TENT5D: variants seen among roughly 807,000 people sequenced by gnomAD.
TENT5D encodes the protein terminal nucleotidyltransferase 5D.
For missense variants in TENT5D, 191 were observed against 287.0 expected, an observed-to-expected ratio of 0.67 and a Z score of 2.42; for synonymous variants, 103 against 100.6, an observed-to-expected ratio of 1.02 and a Z score of -0.15.
chrX:80,432,372 G>A (rs562192879), intron 1 of TENT5D, among the ~76,000 whole-genome samples: 3 of 110,850 alleles, frequency 2.7e-5, no homozygotes, highest in Admixed American at 1.9e-4. Context: ...AAACTGGATT[G>A]GAACAAAGTC....
At chrX:80,439,501 A>G (rs924157517) in intron 2 of TENT5D, among the ~76,000 whole-genome samples, 1 of 111,201 alleles carries the variant, frequency 9.0e-6, no homozygotes, top group Non-Finnish European at 1.9e-5. Flanking sequence ...GCGGTTAAGT[A>G]TGGAGCCATA....
intron 3 of TENT5D, among the ~76,000 whole-genome samples, chrX:80,349,257 G>A (rs919224517): frequency 1.8e-5 from 2 of 111,487 alleles, no homozygotes; most frequent in Non-Finnish European, 3.8e-5. Context: ...TTGTACCTCT[G>A]GTAGAATTCG....
intron 3 of TENT5D, among the ~76,000 whole-genome samples, chrX:80,356,759 A>AT (rs905885653): frequency 4.3e-4 from 48 of 111,068 alleles, no homozygotes; most frequent in Non-Finnish European, 5.9e-4. Flanking sequence ...GAAGTTTTTT[A>AT]TTTTTTTATT....
intron 3 of TENT5D, among the ~76,000 whole-genome samples, chrX:80,385,985 C>T (rs948264222): frequency 3.6e-5 from 4 of 112,083 alleles, no homozygotes; most frequent in African/African-American, 1.3e-4. Flanking sequence ...GGACTGTAAA[C>T]TAGTTCAACC....
At chrX:80,362,890 A>T (rs1478702939) in intron 3 of TENT5D, among the ~76,000 whole-genome samples, 1 of 112,183 alleles carries the variant, frequency 8.9e-6, no homozygotes, top group Non-Finnish European at 1.9e-5. Context: ...GTCAGAAAAA[A>T]AAAGTGTTTC....
At chrX:80,436,154 C>T (rs1434711236) in intron 1 of TENT5D, among the ~76,000 whole-genome samples, 1 of 110,476 alleles carries the variant, frequency 9.1e-6, no homozygotes. Context: ...GATTTGGTGG[C>T]TATTCTAAGA....
At chrX:80,436,997 T>G (rs1242830310) in intron 1 of TENT5D, among the ~76,000 whole-genome samples, 1 of 112,035 alleles carries the variant, frequency 8.9e-6, no homozygotes, top group East Asian at 2.8e-4. Flanking sequence ...AGCAAAAAAA[T>G]TATCTGCAGT....
Position 80,335,814 on chromosome X carries a change from TTA to T in TENT5D, c.-207+100_-207+101del, listed in dbSNP as rs1929837092. 3.6e-5 allele frequency: 4 copies of T among 111,621 alleles called. No homozygotes were observed. The Admixed American group carries it at 3.8e-4, about 11-fold the overall frequency. 9.2% of individuals were successfully genotyped at this position (111,621 alleles called of 1,213,427 possible). ...GGTAAATTTGAGGTGTGAAGTTCAC[TTA>T]TGGCGTTAAAAAGCTTCGTGATCCT... On this transcript the variant is annotated intron_variant, in intron 2 of 4. Transcript: ENST00000538312.
chrX:80,360,646 A>G (rs906514736), intron 3 of TENT5D, among the ~76,000 whole-genome samples: 1 of 111,899 alleles, frequency 8.9e-6, no homozygotes, highest in African/African-American at 3.2e-5. Flanking sequence ...TACACATGAT[A>G]TGAGAGAATA....
chrX:80,357,736 G>T (rs1417150675), intron 3 of TENT5D, among the ~76,000 whole-genome samples: 1 of 111,021 alleles, frequency 9.0e-6, no homozygotes, highest in East Asian at 2.8e-4. Context: ...TGACCATACT[G>T]CCCAAGGTAA....
intron 3 of TENT5D, among the ~76,000 whole-genome samples, chrX:80,352,939 A>G (rs192744718): frequency 0.01 from 1,116 of 109,979 alleles, 23 homozygotes; most frequent in African/African-American, 0.035. Context: ...GAGGCCCCCA[A>G]CTCATTGCAC....
At chrX:80,370,286 A>C (rs1930598562) in intron 3 of TENT5D, among the ~76,000 whole-genome samples, 1 of 110,742 alleles carries the variant, frequency 9.0e-6, no homozygotes, top group Admixed American at 9.8e-5. Flanking sequence ...AAACAGCCAA[A>C]TTGTTTGCAT....
intron 3 of TENT5D, among the ~76,000 whole-genome samples, chrX:80,384,084 A>G (rs868189725): frequency 9.8e-4 from 106 of 108,417 alleles, no homozygotes; most frequent in South Asian, 2.5e-3. Flanking sequence ...TGAGGCAAGC[A>G]TCATCCTGAT....
At chrX:80,390,650 G>A (rs1428780010) in intron 3 of TENT5D, among the ~76,000 whole-genome samples, 3 of 111,293 alleles carry the variant, frequency 2.7e-5, no homozygotes, top group African/African-American at 9.8e-5. Flanking sequence ...TTGGAATCAG[G>A]GTACTATAAC....
intron 3 of TENT5D, among the ~76,000 whole-genome samples, chrX:80,370,589 A>G (rs1456809250): frequency 8.9e-6 from 1 of 112,255 alleles, no homozygotes; most frequent in Non-Finnish European, 1.9e-5. Flanking sequence ...ATATTTTAAC[A>G]TGACTTTAAA....
intron 3 of TENT5D, among the ~76,000 whole-genome samples, chrX:80,352,400 G>A (rs1467631717): frequency 2.7e-5 from 3 of 111,346 alleles, no homozygotes; most frequent in African/African-American, 6.5e-5. Flanking sequence ...GGCCATAGCC[G>A]CTTTGCCACG....
At chrX:80,418,699 T>C (rs1246722286), upstream of TENT5D, among the ~76,000 whole-genome samples, 2 of 112,117 alleles carry the variant, frequency 1.8e-5, no homozygotes, top group African/African-American at 6.5e-5. Flanking sequence ...TAAATCTTTA[T>C]AAAAAGATAG....
intron 1 of TENT5D, among the ~76,000 whole-genome samples, chrX:80,429,112 G>T (rs1345441336): frequency 9.0e-6 from 1 of 111,332 alleles, no homozygotes; most frequent in African/African-American, 3.3e-5. Flanking sequence ...TGGATCATTT[G>T]TGAGACAGGC....
exon 3 of TENT5D, chrX:80,445,072 T>G (rs1932357751): frequency 8.2e-6 from 1 of 122,502 alleles, no homozygotes; most frequent in Admixed American, 9.6e-5. Flanking sequence ...ATCCCGATAA[T>G]TTGCCAGTTA....
Sources: gnomAD v4.1 joint callset for allele counts (sites outside exome capture counted in the v4.1 genomes callset) on GRCh38, gnomAD v4.1.1 for gene constraint, MANE v1.5 for transcripts, NCBI Gene and HGNC (gene_info 2026-07-23, HGNC 2026-07-21) for gene names.